Variants in FAM186A observed in about 807,000 individuals in gnomAD.
FAM186A encodes family with sequence similarity 186 member A, also known as protein FAM186A.
A neutral mutation model predicts 216.8 loss-of-function variants in FAM186A; 163 were observed. That is an observed-to-expected ratio of 0.75 (90% CI 0.66 to 0.86). The LOEUF is 0.86. FAM186A is among the 40% of genes least tolerant of loss of function. The pLI is 0.00. For synonymous variants in FAM186A, 805 were observed against 1,025.3 expected, an observed-to-expected ratio of 0.79 and a Z score of 4.10; for missense variants, 2,184 against 2,746.2, an observed-to-expected ratio of 0.80 and a Z score of 4.58.
At chr12:50,378,091 GC>G (rs1943215748) in intron 1 of FAM186A, among the ~76,000 whole-genome samples, 1 of 151,890 alleles carries the variant, frequency 6.6e-6, no homozygotes, top group Non-Finnish European at 1.5e-5. Flanking sequence ...CGGCGTGGTG[GC>G]CACATGCCTG....
At chr12:50,365,666 C>G (rs1943080455) in intron 1 of FAM186A, 1 of 705,186 alleles carries the variant, frequency 1.4e-6, no homozygotes, top group East Asian at 2.5e-5. Flanking sequence ...AGTTCAGTCC[C>G]TTTGTGACTT....
chr12:50,332,799 G>A (rs1358480557), intron 5 of FAM186A, among the ~76,000 whole-genome samples: 1 of 152,126 alleles, frequency 6.6e-6, no homozygotes, highest in African/African-American at 2.4e-5. Flanking sequence ...AGGCTGCCAT[G>A]GGCGGTTCAC....
intron 4 of FAM186A, among the ~76,000 whole-genome samples, chr12:50,344,503 T>G (rs375824907): frequency 6.6e-6 from 1 of 152,356 alleles, no homozygotes; most frequent in Middle Eastern, 3.4e-3. Flanking sequence ...CACATTTTCT[T>G]TATCCAGTCC....
chr12:50,346,220 G>GAAAGAAAGAAAGAAAGAAAGAAAGAAA (rs1555215373), intron 4 of FAM186A, among the ~76,000 whole-genome samples: 2 of 46,742 alleles, frequency 4.3e-5, no homozygotes, highest in Admixed American at 3.1e-4. Context: ...AGAGAGAGAA[G>GAAAGAAAGAAAGAAAGAAAGAAAGAAA]GAAAGAAAGA....
intron 4 of FAM186A, among the ~76,000 whole-genome samples, chr12:50,339,761 C>T (rs990444257): frequency 1.3e-5 from 2 of 151,694 alleles, no homozygotes; most frequent in African/African-American, 2.4e-5. Context: ...CACACACACA[C>T]ACACACACAC....
rs1470003866 is a variant in FAM186A, at chr12:50,352,193, G to A, written c.4639C>T (p.Gln1547Ter). The change falls in exon 4 of 8, where the codon CAG (glutamine) becomes TAG (stop). Residue 1547 changes from glutamine (Q) to a stop codon, truncating the protein, a stop_gained. Coordinates refer to ENST00000327337, the MANE Select transcript of FAM186A (RefSeq NM_001145475.3). LOFTEE classifies it high-confidence loss of function. ...AGAGGGATCCCCAGGGCCTGGACCT[G>A]CTGAGGGGTGAGAGGGATCCCCAAT... ...QELGIPLTPQ[Q>*]VQALGIPLIP... 6.5e-7 allele frequency: 1 copy of A among 1,529,726 alleles called. No homozygotes were observed. Among genetic ancestry groups the A allele is most frequent in the African/African-American group, 1.5e-5 (1 of 67,282 alleles). The allele number at this position is 1,529,726 out of a possible 1,614,324, so 94.8% of individuals were successfully genotyped here.
Position 50,351,033 on chromosome 12 carries a change from T to C in FAM186A, c.5799A>G (p.Thr1933=), listed in dbSNP as rs918838048. The C allele has an allele frequency of 3.9e-5, 61 of 1,550,882 alleles. No homozygotes were observed. Among genetic ancestry groups the C allele is most frequent in the Non-Finnish European group, 5.2e-5 (60 of 1,146,818 alleles). Reference sequence around the variant, plus strand: ...TTCCAGGGGCTGGGGACGGCCATAGTGTGGGAGGATGTCTAGAGGTGGGAG... The same window carrying C: ...TTCCAGGGGCTGGGGACGGCCATAGCGTGGGAGGATGTCTAGAGGTGGGAG... ...WIPPTSRHPP[T]LWPSPAPGKP... is the part of the protein sequence containing the mutation. The change falls in exon 4 of 8, where the codon ACA becomes ACG. Residue 1933 remains threonine, a synonymous_variant. Coordinates refer to ENST00000327337, the MANE Select transcript of FAM186A (RefSeq NM_001145475.3).
intron 1 of FAM186A, among the ~76,000 whole-genome samples, chr12:50,393,957 C>T (rs1384715856): frequency 6.6e-6 from 1 of 152,088 alleles, no homozygotes; most frequent in African/African-American, 2.4e-5. Context: ...CTTGCTCTGT[C>T]ACCCAGGCTG....
intron 1 of FAM186A, among the ~76,000 whole-genome samples, chr12:50,364,678 G>A (rs1165660380): frequency 1.3e-5 from 2 of 152,046 alleles, no homozygotes; most frequent in Non-Finnish European, 2.9e-5. Flanking sequence ...AAAGCGGGAG[G>A]ATCTCTGGAA....
chr12:50,365,864 C>T, intron 1 of FAM186A: 1 of 762,778 alleles, frequency 1.3e-6, no homozygotes, highest in Non-Finnish European at 2.4e-6. Flanking sequence ...GCAAAGTAGT[C>T]CAGGTTTACA....
At chr12:50,330,854 C>T in intron 6 of FAM186A, 96 bp from the exon 7 acceptor site, 1 of 1,040,760 alleles carries the variant, frequency 9.6e-7, no homozygotes, top group South Asian at 2.0e-5. Context: ...GCCACCTTGT[C>T]CTATAATGCC....
intron 4 of FAM186A, among the ~76,000 whole-genome samples, chr12:50,346,205 G>A (rs1017276943): frequency 1.9e-5 from 1 of 52,282 alleles, no homozygotes; most frequent in African/African-American, 6.3e-5. Flanking sequence ...GAAAGAAAGA[G>A]AGAGAGAGAG....
chr12:50,331,876 A>G (rs1942660765), intron 5 of FAM186A, 55 bp from the exon 6 acceptor site: 3 of 1,438,866 alleles, frequency 2.1e-6, no homozygotes, highest in Non-Finnish European at 2.8e-6. Flanking sequence ...CAGAATCTTT[A>G]GAAGGGTCTT....
At chr12:50,394,022 G>T (rs1237867629) in intron 1 of FAM186A, among the ~76,000 whole-genome samples, 1 of 151,990 alleles carries the variant, frequency 6.6e-6, no homozygotes, top group African/African-American at 2.4e-5. Flanking sequence ...GGGCTCAAGT[G>T]ATTCTCTTGC....
intron 1 of FAM186A, among the ~76,000 whole-genome samples, chr12:50,378,876 T>C (rs1216990163): frequency 1.3e-5 from 2 of 152,128 alleles, no homozygotes; most frequent in Non-Finnish European, 2.9e-5. Context: ...GCTTCAACCA[T>C]ATGAAAATGT....
At chr12:50,345,111 G>C (rs1027237770) in intron 4 of FAM186A, among the ~76,000 whole-genome samples, 1 of 151,910 alleles carries the variant, frequency 6.6e-6, no homozygotes, top group Non-Finnish European at 1.5e-5. Flanking sequence ...AATTAGCCAG[G>C]GGTGGGCAAC....
chr12:50,383,633 C>T (rs1183915755), intron 1 of FAM186A, among the ~76,000 whole-genome samples: 2 of 151,966 alleles, frequency 1.3e-5, no homozygotes, highest in Admixed American at 6.6e-5. Flanking sequence ...CAAACCCCAC[C>T]TTTATCCCTA....
At chr12:50,360,706 A>G (rs1476286706) in intron 3 of FAM186A, 50 bp downstream of exon 3, 6 of 1,448,712 alleles carry the variant, frequency 4.1e-6, no homozygotes, top group African/African-American at 2.9e-5. Flanking sequence ...TTCTCTAAGA[A>G]AAAGTCAAAC....
rs954054474 is a variant in FAM186A at position 50,351,390 on chromosome 12, C to T, written c.5442G>A (p.Pro1814=). Residue 1814 remains proline (P), a synonymous_variant, in exon 4 of 8, where the codon CCG becomes CCA. Transcript: ENST00000327337. ...YGGQSTSAQF[P]APQAPPSPGQ... ...CAGGGGAGGGAGGGGCCTGTGGTGC[C>T]GGGAACTGCGCAGAAGTGGATTGAC... 7 of 1,470,612 alleles carry T rather than the reference C, an allele frequency of 4.8e-6. No individual in the cohort carries two copies. Among genetic ancestry groups the T allele is most frequent in the Admixed American group, 2.7e-5 (1 of 36,566 alleles). 91.1% of individuals were successfully genotyped at this position (1,470,612 alleles called of 1,614,324 possible).
Sources: allele counts gnomAD v4.1 joint callset (sites outside exome capture counted in the v4.1 genomes callset), GRCh38; gene constraint gnomAD v4.1.1; transcripts MANE v1.5; gene names NCBI Gene and HGNC (gene_info 2026-07-23, HGNC 2026-07-21).